Variants in NEMP2 observed in about 807,000 individuals in gnomAD.
NEMP2 encodes UPF0571 transmembrane protein.
NEMP2 carries 53 observed loss-of-function variants against 54.2 expected under a neutral mutation model. The observed-to-expected ratio is 0.98, with a 90% CI of 0.78 to 1.23. NEMP2 has a LOEUF of 1.23. Ranked by LOEUF, NEMP2 falls within the 50% of genes most tolerant of loss-of-function variation. The pLI is 0.00. For missense variants in NEMP2, 455 were observed against 511.3 expected (o/e 0.89, Z 1.06); for synonymous variants, 197 against 190.3 (o/e 1.04, Z -0.29).
the NEMP2 span, among the ~76,000 whole-genome samples, chr2:190,540,943 A>G: frequency 5.3e-5 from 8 of 151,982 alleles, no homozygotes; most frequent in African/African-American, 1.7e-4. Flanking sequence ...AATTTCTTCA[A>G]TCTTGGCATG....
chr2:190,602,284 A>G, the NEMP2 span, among the ~76,000 whole-genome samples: 1 of 152,246 alleles, frequency 6.6e-6, no homozygotes, highest in South Asian at 2.1e-4. Context: ...TTAACGTTAC[A>G]GTCATGACTC....
chr2:190,441,560 G>A, the NEMP2 span, among the ~76,000 whole-genome samples: 3 of 152,044 alleles, frequency 2.0e-5, no homozygotes, highest in African/African-American at 4.8e-5. Flanking sequence ...ATTTGGAGAT[G>A]GTTCCCTCTA....
chr2:190,463,954 C>A, the NEMP2 span: 1 of 917,478 alleles, frequency 1.1e-6, no homozygotes, highest in South Asian at 5.0e-5. This position sits in a 1 kb window ranked among gnomAD's most constrained non-coding sequence, Gnocchi z 4.4. Context: ...AGACTGTGCT[C>A]CAGGGATCTG....
the NEMP2 span, among the ~76,000 whole-genome samples, chr2:190,600,647 G>A: frequency 6.6e-6 from 1 of 152,108 alleles, no homozygotes; most frequent in Non-Finnish European, 1.5e-5. This position sits in a 1 kb window ranked among gnomAD's most constrained non-coding sequence, Gnocchi z 4.9. Flanking sequence ...CTCTTGCCAT[G>A]TGATCTCTTT....
rs1690745519 is a variant in NEMP2 at position 190,521,384 on chromosome 2, C to T, written c.214-2201G>A. ...AAATTTCTTCCACAGAGGAAATTTA[C>T]AGGCTCCATAAAGGTAAGTCCCGAC... On this transcript the variant is annotated intron_variant, in intron 2 of 8. Transcript: ENST00000409150. The surrounding 1 kb of genome is among the most constrained non-coding windows in gnomAD (Gnocchi z 6.2). Among the ~76,000 whole-genome samples the T allele has an allele frequency of 6.6e-6, 1 of 152,184 alleles. No individual in the cohort carries two copies. Among genetic ancestry groups the T allele is most frequent in the Non-Finnish European group, 1.5e-5 (1 of 68,034 alleles).
In NEMP2 at chr2:190,508,337, T is replaced by C. The variant is rs1690244085; in HGVS notation, c.*852A>G. 1 of 152,168 alleles carries C rather than the reference T, an allele frequency of 6.6e-6. No individual in the cohort carries two copies. 9.4% of individuals were successfully genotyped at this position (152,168 alleles called of 1,614,324 possible). A position where few individuals can be genotyped will look rare whatever the true frequency, so the allele number is the denominator to read the frequency against. ...AAAATAAAAAGTAAAGCCACCAACA[T>C]TGTGAGGCCCATGGCTGTAGGGAGA... On this transcript the variant is annotated 3_prime_UTR_variant, in exon 9 of 9. Coordinates refer to ENST00000409150, the MANE Select transcript of NEMP2 (RefSeq NM_001142645.2). The surrounding 1 kb of genome is among the most constrained non-coding windows in gnomAD (Gnocchi z 4.3).
At chr2:190,532,100 G>A (rs1691165795) in intron 1 of NEMP2, among the ~76,000 whole-genome samples, 1 of 152,162 alleles carries the variant, frequency 6.6e-6, no homozygotes, top group African/African-American at 2.4e-5. Flanking sequence ...GAAGGGGAGG[G>A]AGAAGAGTAG....
At position 190,534,602 on chromosome 2, in the gene NEMP2, G is replaced by T; in HGVS notation, c.54C>A (p.Ala18=). The stretch of plus-strand genomic sequence containing the variant: ...CCGCCTCCCCGCGCACGGGCAGTGT[G>T]GCCAGGGGCGGCAGCCAGAGCAGCA... ...WWLLLWLPPL[A]TLPVRGEAAA... is the part of the protein sequence containing the mutation. Residue 18 remains alanine (A), a synonymous_variant, in exon 1 of 9, where the codon GCC becomes GCA. Transcript: ENST00000409150. 1 of 1,391,502 alleles carries T rather than the reference G, an allele frequency of 7.2e-7. No homozygotes were observed. The highest frequency in any genetic ancestry group is 1.6e-5 in the South Asian group (1 of 63,708). The allele number at this position is 1,391,502 out of a possible 1,614,324, so 86.2% of individuals were successfully genotyped here.
the NEMP2 span, among the ~76,000 whole-genome samples, chr2:190,604,585 C>T: frequency 6.6e-6 from 1 of 152,102 alleles, no homozygotes; most frequent in African/African-American, 2.4e-5. This position sits in a 1 kb window ranked among gnomAD's most constrained non-coding sequence, Gnocchi z 4.5. Context: ...CTTCATTTCA[C>T]ATGTGAGATT....
chr2:190,623,808 C>A, the NEMP2 span, among the ~76,000 whole-genome samples: 4 of 151,994 alleles, frequency 2.6e-5, no homozygotes, highest in Admixed American at 6.6e-5. Context: ...CAAAAATAGA[C>A]AAATGGGGTT....
rs894118863 is a variant in NEMP2, at chr2:190,513,388, G to A, written c.953+1065C>T. ...GTGGTAACAGCCCCGTTTTCAATGA[G>A]GTTGCTTTGTAGAGTTTCCCACAGT... On this transcript the variant is annotated intron_variant, in intron 7 of 8. Coordinates refer to ENST00000409150, the MANE Select transcript of NEMP2 (RefSeq NM_001142645.2). This position sits in a 1 kb window ranked among gnomAD's most constrained non-coding sequence, Gnocchi z 5.3. 6.6e-6 allele frequency among the ~76,000 whole-genome samples: 1 copy of A among 152,144 alleles called. No homozygotes were observed. Among genetic ancestry groups the A allele is most frequent in the African/African-American group, 2.4e-5 (1 of 41,424 alleles).
chr2:190,437,346 C>G, the NEMP2 span: 1 of 1,614,248 alleles, frequency 6.2e-7, no homozygotes, highest in Non-Finnish European at 8.5e-7. The surrounding 1 kb of genome is among the most constrained non-coding windows in gnomAD (Gnocchi z 5.9). Flanking sequence ...GGGACTTAAT[C>G]AAGCTGCTCT....
the NEMP2 span, among the ~76,000 whole-genome samples, chr2:190,595,841 C>A: frequency 6.6e-6 from 1 of 152,140 alleles, no homozygotes; most frequent in Non-Finnish European, 1.5e-5. The surrounding 1 kb of genome is among the most constrained non-coding windows in gnomAD (Gnocchi z 4.0). Context: ...GACAGTGTGG[C>A]GATTCCTCAA....
chr2:190,606,515 C>T, the NEMP2 span, among the ~76,000 whole-genome samples: 2 of 152,186 alleles, frequency 1.3e-5, no homozygotes, highest in Non-Finnish European at 2.9e-5. Flanking sequence ...AGTTCAAGAC[C>T]AGCCTGGCCA....
the NEMP2 span, chr2:190,497,835 A>G: frequency 8.0e-7 from 1 of 1,244,964 alleles, no homozygotes; most frequent in Non-Finnish European, 1.1e-6. The surrounding 1 kb of genome is among the most constrained non-coding windows in gnomAD (Gnocchi z 5.2). Flanking sequence ...CTGGTGGGGG[A>G]AATAGACATG....
the NEMP2 span, among the ~76,000 whole-genome samples, chr2:190,539,773 C>T: frequency 1.3e-5 from 2 of 152,028 alleles, no homozygotes; most frequent in Non-Finnish European, 2.9e-5. This position sits in a 1 kb window ranked among gnomAD's most constrained non-coding sequence, Gnocchi z 4.1. Flanking sequence ...ATTTTTGTAT[C>T]CTGCAACTTT....
chr2:190,444,404 A>G, the NEMP2 span, among the ~76,000 whole-genome samples: 1 of 152,236 alleles, frequency 6.6e-6, no homozygotes, highest in Non-Finnish European at 1.5e-5. Flanking sequence ...TAGCCACAAC[A>G]TCAGTTCTAC....
the NEMP2 span, among the ~76,000 whole-genome samples, chr2:190,584,657 G>A: frequency 6.6e-6 from 1 of 152,018 alleles, no homozygotes; most frequent in Admixed American, 6.6e-5. The surrounding 1 kb of genome is among the most constrained non-coding windows in gnomAD (Gnocchi z 4.2). Flanking sequence ...AGGATTACTT[G>A]AGGCCAGGAA....
At chr2:190,524,478 A>G (rs1690861261) in intron 2 of NEMP2, among the ~76,000 whole-genome samples, 2 of 152,158 alleles carry the variant, frequency 1.3e-5, no homozygotes, top group East Asian at 3.9e-4. Flanking sequence ...ATCAATTGAC[A>G]TCAAATGCTT....
Sources: gnomAD v4.1 joint callset for allele counts (sites outside exome capture counted in the v4.1 genomes callset) on GRCh38, gnomAD v4.1.1 for gene constraint, Gnocchi (gnomAD v3.1) non-coding constraint, MANE v1.5 for transcripts, NCBI Gene and HGNC (gene_info 2026-07-23, HGNC 2026-07-21) for gene names.